Variants in NAALADL2 observed in about 807,000 individuals in gnomAD.
NAALADL2 encodes inactive N-acetylated-alpha-linked acidic dipeptidase-like protein 2.
Under a neutral mutation model 87.2 loss-of-function variants are expected in NAALADL2, and 76 were observed. The observed-to-expected ratio is 0.87, with a 90% CI of 0.72 to 1.05. The LOEUF (loss-of-function observed/expected upper bound fraction) is 1.05. Ranked by LOEUF, NAALADL2 falls within the 50% of genes least tolerant of loss-of-function variation. The pLI is 0.00. For synonymous variants in NAALADL2, 354 were observed against 331.0 expected (o/e 1.07, Z -0.75); for missense variants, 1,089 against 945.8 (o/e 1.15, Z -1.99).
At chr3:175,454,274 G>A (rs1722005978) in intron 6 of NAALADL2, among the ~76,000 whole-genome samples, 1 of 151,826 alleles carries the variant, frequency 6.6e-6, no homozygotes, top group Non-Finnish European at 1.5e-5. Flanking sequence ...TTTAGATTTA[G>A]ATGTTTGCCA....
intron 1 of NAALADL2, among the ~76,000 whole-genome samples, chr3:174,882,843 GCATATGTGTATATATA>G (rs1053804856): frequency 8.7e-5 from 12 of 138,264 alleles, no homozygotes; most frequent in African/African-American, 2.2e-4. Context: ...GTGTATATGT[GCATATGTGTATATATA>G]CATATGTGTA....
At chr3:175,046,223 A>G (rs1754649853) in intron 1 of NAALADL2, among the ~76,000 whole-genome samples, 1 of 152,054 alleles carries the variant, frequency 6.6e-6, no homozygotes, top group Non-Finnish European at 1.5e-5. Context: ...TGTCTTCTTG[A>G]GTATTTGTTT....
At chr3:174,962,840 C>T (rs1742318011) in intron 1 of NAALADL2, among the ~76,000 whole-genome samples, 1 of 151,874 alleles carries the variant, frequency 6.6e-6, no homozygotes, top group Non-Finnish European at 1.5e-5. Flanking sequence ...TTTTCAGGAT[C>T]CCTTGCTGAT....
chr3:174,735,690 G>A (rs897761945), intron 2 of NAALADL2, among the ~76,000 whole-genome samples: 4 of 152,080 alleles, frequency 2.6e-5, no homozygotes, highest in African/African-American at 9.7e-5. Flanking sequence ...CTCCCAAGTA[G>A]CTGGGACCAC....
At chr3:174,919,025 T>C (rs1205308499) in intron 1 of NAALADL2, among the ~76,000 whole-genome samples, 1 of 152,126 alleles carries the variant, frequency 6.6e-6, no homozygotes, top group African/African-American at 2.4e-5. Context: ...CCTATTAGGG[T>C]ACAATATCAT....
At chr3:175,796,528 G>C (rs941985562) in intron 13 of NAALADL2, among the ~76,000 whole-genome samples, 4 of 152,180 alleles carry the variant, frequency 2.6e-5, no homozygotes, top group Admixed American at 2.0e-4. Context: ...AAATAGTGTA[G>C]CCATGCACTT....
intron 1 of NAALADL2, among the ~76,000 whole-genome samples, chr3:175,063,685 A>C (rs966966905): frequency 2.8e-4 from 42 of 151,464 alleles, no homozygotes; most frequent in African/African-American, 9.9e-4. Context: ...ATCTCCCTAC[A>C]TTGCCCAGGC....
chr3:175,566,221 A>C (rs570776131), intron 9 of NAALADL2, among the ~76,000 whole-genome samples: 1 of 152,294 alleles, frequency 6.6e-6, no homozygotes, highest in African/African-American at 2.4e-5. Context: ...TTCAGAGGGA[A>C]TTTTAAAAAT....
chr3:175,589,465 C>T (rs1378200945), intron 10 of NAALADL2, among the ~76,000 whole-genome samples: 3 of 150,968 alleles, frequency 2.0e-5, no homozygotes, highest in Admixed American at 1.3e-4. Context: ...TTCTTCTTTC[C>T]TCTGTTTCTT....
intron 1 of NAALADL2, among the ~76,000 whole-genome samples, chr3:174,460,234 G>T (rs936726595): frequency 2.0e-5 from 3 of 148,376 alleles, no homozygotes; most frequent in African/African-American, 7.5e-5. Flanking sequence ...GAATGGGAAA[G>T]AATTCAAATA....
intron 2 of NAALADL2, among the ~76,000 whole-genome samples, chr3:175,182,685 A>G (rs1560130669): frequency 6.7e-6 from 1 of 149,964 alleles, no homozygotes; most frequent in Non-Finnish European, 1.5e-5. Flanking sequence ...GGGTAAGCCA[A>G]TGCACCTGCC....
chr3:175,324,108 A>C (rs1041674106), intron 4 of NAALADL2, 67 bp from the exon 5 acceptor site: 6 of 1,320,774 alleles, frequency 4.5e-6, no homozygotes, highest in Non-Finnish European at 6.3e-6. Context: ...CCACATTGGC[A>C]AAATGGCACT....
chr3:175,809,720 C>T lies in NAALADL2; in HGVS notation c.*6517C>T, dbSNP rs1755019060. 1 of 151,516 alleles carries T rather than the reference C, an allele frequency of 6.6e-6. No individual in the cohort carries two copies. Among genetic ancestry groups the T allele is most frequent in the African/African-American group, 2.4e-5 (1 of 41,284 alleles). The allele number at this position is 151,516 out of a possible 1,614,324, so 9.4% of individuals were successfully genotyped here. On this transcript the variant is annotated 3_prime_UTR_variant, in exon 14 of 14. Transcript: ENST00000454872. ...AAAAAAAGGAAAAGAAAGTCACATG[C>T]TGTTGATAGTAGTTTTATATGTATT... is the stretch of plus-strand genomic sequence containing the variant.
intron 11 of NAALADL2, among the ~76,000 whole-genome samples, chr3:175,704,570 G>T (rs1739417080): frequency 6.6e-6 from 1 of 151,870 alleles, no homozygotes; most frequent in Non-Finnish European, 1.5e-5. Context: ...TCCTTTACTT[G>T]GTCATGCCTC....
intron 6 of NAALADL2, among the ~76,000 whole-genome samples, chr3:175,459,489 A>G (rs9842879): frequency 0.72 from 109,431 of 151,134 alleles, 40,266 homozygotes; most frequent in South Asian, 0.82. Flanking sequence ...TCTAGAAACA[A>G]TATTAGAAGA....
intron 13 of NAALADL2, among the ~76,000 whole-genome samples, chr3:175,802,144 A>G (rs1012707345): frequency 3.5e-5 from 4 of 115,692 alleles, no homozygotes. Flanking sequence ...TACAGTGTGT[A>G]TTAATTTTCT....
chr3:175,803,108 G>A lies in NAALADL2; in HGVS notation c.2293G>A (p.Ala765Thr). The A allele has an allele frequency of 6.2e-7, 1 of 1,612,470 alleles. No homozygotes were observed. The change falls in exon 14 of 14, where the codon GCC becomes ACC. Residue 765 changes from alanine to threonine, a missense_variant. Transcript: ENST00000454872. ...PLASNETLQE[A>T]LSEVLNSINS... ...TGCATCAAATGAGACCCTTCAAGAA[G>A]CCCTGTCAGAGGTGTTGAACAGCAT...
intron 1 of NAALADL2, among the ~76,000 whole-genome samples, chr3:175,088,194 A>G (rs1270489937): frequency 6.6e-6 from 1 of 152,212 alleles, no homozygotes; most frequent in Non-Finnish European, 1.5e-5. Flanking sequence ...TTTAGATTGT[A>G]GCCTAACAGT....
At chr3:174,724,132 T>C (rs1165295152) in intron 2 of NAALADL2, among the ~76,000 whole-genome samples, 1 of 152,184 alleles carries the variant, frequency 6.6e-6, no homozygotes, top group Admixed American at 6.5e-5. Flanking sequence ...GAGGAAATAA[T>C]CTATTATTAC....
Sources: allele counts gnomAD v4.1 joint callset (sites outside exome capture counted in the v4.1 genomes callset), GRCh38; gene constraint gnomAD v4.1.1; transcripts MANE v1.5; gene names NCBI Gene and HGNC (gene_info 2026-07-23, HGNC 2026-07-21).